SH3BP2: variants seen among roughly 807,000 people sequenced by gnomAD.
SH3BP2 encodes SH3 domain binding protein 2.
A neutral mutation model predicts 56.2 loss-of-function variants in SH3BP2; 38 were observed. The ratio of observed to expected loss-of-function variants is 0.68; its 90% CI spans 0.52 to 0.89. The LOEUF is 0.89. SH3BP2 is among the 40% of genes least tolerant of loss of function. The pLI, the probability that SH3BP2 is intolerant of heterozygous loss-of-function variation, is 0.00. For synonymous variants in SH3BP2, 346 were observed against 316.7 expected, an observed-to-expected ratio of 1.09 and a Z score of -0.98; for missense variants, 748 against 762.6, an observed-to-expected ratio of 0.98 and a Z score of 0.23.
intron 1 of SH3BP2, among the ~76,000 whole-genome samples, chr4:2,814,096 A>G (rs1313634079): frequency 6.6e-6 from 1 of 152,180 alleles, no homozygotes; most frequent in Admixed American, 6.5e-5. Flanking sequence ...CCAGCCTCCC[A>G]GAGCCCCCAC....
At chr4:2,833,231 C>T (rs933633250) in intron 12 of SH3BP2, 182 bp downstream of exon 12, 5 of 668,638 alleles carry the variant, frequency 7.5e-6, no homozygotes, top group African/African-American at 3.5e-5. Flanking sequence ...TCCCTCCTCT[C>T]GTGGCCTACC....
intron 11 of SH3BP2, 81 bp from the exon 12 acceptor site, chr4:2,832,909 C>T (rs1725072132): frequency 8.5e-6 from 12 of 1,417,526 alleles, no homozygotes; most frequent in Admixed American, 3.3e-5. Flanking sequence ...GGTTCTGCCC[C>T]CCTATCCCCA....
rs1370489064 is a variant in SH3BP2 at position 2,831,799 on chromosome 4, G to A, written c.1350+120G>A. The A allele has an allele frequency of 1.5e-6, 2 of 1,362,352 alleles. No individual in the cohort carries two copies. The highest frequency in any genetic ancestry group is 4.9e-5 in the East Asian group (2 of 40,712). 84.4% of individuals were successfully genotyped at this position (1,362,352 alleles called of 1,614,324 possible). Reference sequence around the variant, plus strand: ...GAGCAAGGACCCCCCGAGAACCCGGGAGCCTAGGGGGACACAGCACCATGT... The same window carrying A: ...GAGCAAGGACCCCCCGAGAACCCGGAAGCCTAGGGGGACACAGCACCATGT... On this transcript the variant is annotated intron_variant, in intron 9 of 12. Transcript: ENST00000503393. The surrounding 1 kb of genome is among the most constrained non-coding windows in gnomAD (Gnocchi z 4.1).
intron 5 of SH3BP2, chr4:2,826,602 CTCTGTGTTTGTGTGTGCATGTCT>C: frequency 3.4e-6 from 1 of 292,628 alleles, no homozygotes; most frequent in Non-Finnish European, 6.3e-6. Flanking sequence ...CTGTGTGTTG[CTCTGTGTTTGTGTGTGCATGTCT>C]GCGTGTTGCT....
At chr4:2,799,563 C>T (rs1723175243) in intron 1 of SH3BP2, among the ~76,000 whole-genome samples, 2 of 152,210 alleles carry the variant, frequency 1.3e-5, no homozygotes, top group Non-Finnish European at 2.9e-5. Context: ...CCAACCCCCA[C>T]CTCTGCAGAG....
In SH3BP2 at chr4:2,810,914, C is replaced by T. The variant is rs186352209; in HGVS notation, c.-4-9700C>T. 1.5e-4 allele frequency among the ~76,000 whole-genome samples: 23 copies of T among 152,358 alleles called. No homozygotes were observed. The highest frequency in any genetic ancestry group is 5.5e-4 in the African/African-American group (23 of 41,586). ...AGAGGCCCCACTCTGTCCGTGCCCT[C>T]CTCGCTGCCCTCTGTCTGTCTGCCT... On this transcript the variant is annotated intron_variant, in intron 1 of 12. Transcript: ENST00000503393. The surrounding 1 kb of genome is among the most constrained non-coding windows in gnomAD (Gnocchi z 4.2).
Position 2,831,791 on chromosome 4 carries a change from G to T in SH3BP2, c.1350+112G>T. On this transcript the variant is annotated intron_variant, in intron 9 of 12. Transcript: ENST00000503393. The surrounding 1 kb of genome is among the most constrained non-coding windows in gnomAD (Gnocchi z 4.1). ...ACCGTCCTGAGCAAGGACCCCCCGA[G>T]AACCCGGGAGCCTAGGGGGACACAG... is the stretch of plus-strand genomic sequence containing the variant. The T allele has an allele frequency of 7.4e-7, 1 of 1,359,832 alleles. No individual in the cohort carries two copies. 84.2% of individuals were successfully genotyped at this position (1,359,832 alleles called of 1,614,324 possible).
At chr4:2,796,516 A>G (rs1247022983) in intron 1 of SH3BP2, 2 of 953,942 alleles carry the variant, frequency 2.1e-6, no homozygotes, top group Non-Finnish European at 2.5e-6. Flanking sequence ...CATCTGGTCC[A>G]TCTTTGTCAG....
chr4:2,806,016 C>G (rs1009377563), intron 1 of SH3BP2, among the ~76,000 whole-genome samples: 2 of 152,226 alleles, frequency 1.3e-5, no homozygotes, highest in Non-Finnish European at 2.9e-5. Flanking sequence ...TCCTCCCTTC[C>G]CTTGACACTA....
Position 2,837,870 on chromosome 4 carries a change from C to G in SH3BP2, c.*4036C>G, listed in dbSNP as rs937846764. 1 of 152,372 alleles carries G rather than the reference C, an allele frequency of 6.6e-6. No individual in the cohort carries two copies. Among genetic ancestry groups the G allele is most frequent in the Non-Finnish European group, 1.5e-5 (1 of 68,158 alleles). 9.4% of individuals were successfully genotyped at this position (152,372 alleles called of 1,614,324 possible). On this transcript the variant is annotated 3_prime_UTR_variant, in exon 13 of 13. Coordinates refer to ENST00000503393, the MANE Select transcript of SH3BP2 (RefSeq NM_001122681.2). ...GCAGTGACCCTGTGAAGATGCTTGACAGACAACCCCCACCACCTCAGAAGT... is the reference window on the plus strand; with the variant it reads ...GCAGTGACCCTGTGAAGATGCTTGAGAGACAACCCCCACCACCTCAGAAGT...
At chr4:2,832,772 ATTGGTGG>A (rs1725061725) in intron 11 of SH3BP2, among the ~76,000 whole-genome samples, 1 of 151,984 alleles carries the variant, frequency 6.6e-6, no homozygotes, top group Non-Finnish European at 1.5e-5. Context: ...CGGAGTGGTT[ATTGGTGG>A]TTATGAGCTG....
intron 11 of SH3BP2, 83 bp downstream of exon 11, chr4:2,832,495 C>T: frequency 1.0e-6 from 1 of 994,056 alleles, no homozygotes; most frequent in Non-Finnish European, 1.6e-6. Flanking sequence ...CTCCACAGTT[C>T]CTAAACCACT....
At chr4:2,833,676 C>T (rs903951587) in intron 12 of SH3BP2, 21 bp from the exon 13 acceptor site, 2 of 1,606,556 alleles carry the variant, frequency 1.2e-6, no homozygotes, top group African/African-American at 1.3e-5. Flanking sequence ...TGCTGACGCT[C>T]CCCCTTCTCT....
Position 2,831,237 on chromosome 4 carries a change from G to A in SH3BP2, c.1242-334G>A, listed in dbSNP as rs1024356334. Among the ~76,000 whole-genome samples the A allele has an allele frequency of 1.3e-5, 2 of 152,202 alleles. No individual in the cohort carries two copies. Among genetic ancestry groups the A allele is most frequent in the African/African-American group, 4.8e-5 (2 of 41,446 alleles). ...ACTCCCCTGTGGCTCTGAGTGGGCT[G>A]TGATTTGGCCATGACCGGACCTCCC... On this transcript the variant is annotated intron_variant, in intron 8 of 12. Coordinates refer to ENST00000503393, the MANE Select transcript of SH3BP2 (RefSeq NM_001122681.2). The surrounding 1 kb of genome is among the most constrained non-coding windows in gnomAD (Gnocchi z 4.1).
At chr4:2,833,561 C>T (rs1725114150) in intron 12 of SH3BP2, 136 bp from the exon 13 acceptor site, 1 of 1,140,466 alleles carries the variant, frequency 8.8e-7, no homozygotes, top group Admixed American at 2.0e-5. Context: ...ACCTTGGGGG[C>T]ACCACCGACA....
At chr4:2,826,540 C>CTGTG (rs148421972) in intron 5 of SH3BP2, 6 of 212,990 alleles carry the variant, frequency 2.8e-5, no homozygotes, top group African/African-American at 1.4e-4. Context: ...GCGTGTTGCT[C>CTGTG]TGTGTGTGTG....
chr4:2,801,621 T>C (rs365569), intron 1 of SH3BP2, among the ~76,000 whole-genome samples: 78,298 of 151,968 alleles, frequency 0.52, 20,366 homozygotes, highest in Admixed American at 0.61. Context: ...CCACCTGTGC[T>C]GGCCTGTGAG....
At position 2,832,317 on chromosome 4, in the gene SH3BP2, CTG is replaced by C. The variant is rs765712961; in HGVS notation, c.1407-12_1407-11del. On this transcript the variant is annotated splice_polypyrimidine_tract_variant and intron_variant, in intron 10 of 12. Transcript: ENST00000503393. ...GAGGAGGACTCACCCGCTAATATGA[CTG>C]TCTTATTTTAGGTTGTTCAAGGCTA... 14 of 1,608,796 alleles carry C rather than the reference CTG, an allele frequency of 8.7e-6. No individual in the cohort carries two copies. The Admixed American group carries it at 1.2e-4, about 13-fold the overall frequency.
At chr4:2,799,891 G>C (rs142355494) in intron 1 of SH3BP2, among the ~76,000 whole-genome samples, 1 of 152,186 alleles carries the variant, frequency 6.6e-6, no homozygotes, top group South Asian at 2.1e-4. Context: ...AGGGAGAGGG[G>C]CTAGAGAGGT....
Sources: allele counts gnomAD v4.1 joint callset (sites outside exome capture counted in the v4.1 genomes callset), GRCh38; gene constraint gnomAD v4.1.1; non-coding constraint Gnocchi (gnomAD v3.1); transcripts MANE v1.5; gene names NCBI Gene and HGNC (gene_info 2026-07-23, HGNC 2026-07-21).